Variants in BRD10 observed in about 807,000 individuals in gnomAD.
BRD10 encodes the protein uncharacterized bromodomain-containing protein 10.
the BRD10 span, among the ~76,000 whole-genome samples, chr9:6,003,475 GC>G: frequency 2.0e-5 from 3 of 152,042 alleles, no homozygotes; most frequent in Non-Finnish European, 4.4e-5. Context: ...TCTCACAGTT[GC>G]CTCAAATGGA....
chr9:6,000,433 T>C, the BRD10 span, among the ~76,000 whole-genome samples: 14 of 152,180 alleles, frequency 9.2e-5, no homozygotes, highest in Admixed American at 4.6e-4. Context: ...AGCCTAAAGA[T>C]CATCTGAAAG....
At chr9:5,892,677 C>T in the BRD10 span, 33 of 712,454 alleles carry the variant, frequency 4.6e-5, no homozygotes, top group Non-Finnish European at 6.6e-5. Context: ...CAGTAACATC[C>T]CTGGCAACAA....
chr9:5,997,334 T>A, the BRD10 span, among the ~76,000 whole-genome samples: 1 of 152,340 alleles, frequency 6.6e-6, no homozygotes, highest in Non-Finnish European at 1.5e-5. Context: ...TTTTCTTGCA[T>A]ATTTCTTATG....
chr9:5,887,291 TGGAGA>T, the BRD10 span, among the ~76,000 whole-genome samples: 1 of 152,184 alleles, frequency 6.6e-6, no homozygotes, highest in East Asian at 1.9e-4. Flanking sequence ...TCAAACAAGC[TGGAGA>T]GCATGTTCCC....
the BRD10 span, among the ~76,000 whole-genome samples, chr9:5,916,535 GTATA>G: frequency 1.3e-4 from 17 of 132,750 alleles, no homozygotes; most frequent in African/African-American, 4.9e-4. Context: ...GTATATATAT[GTATA>G]TATAAAACTA....
At chr9:5,919,950 T>C in the BRD10 span, 7 of 1,613,880 alleles carry the variant, frequency 4.3e-6, no homozygotes, top group African/African-American at 9.3e-5. Context: ...AAAGATGTCT[T>C]AGCCAAAAGA....
chr9:5,915,399 T>TG, the BRD10 span, among the ~76,000 whole-genome samples: 2 of 152,246 alleles, frequency 1.3e-5, no homozygotes, highest in Admixed American at 1.3e-4. Context: ...ACAGCAATCC[T>TG]GCAAGGTAAT....
the BRD10 span, among the ~76,000 whole-genome samples, chr9:5,890,585 T>C: frequency 7.2e-5 from 11 of 152,166 alleles, no homozygotes; most frequent in Non-Finnish European, 1.6e-4. Context: ...GTAATTGTGG[T>C]GTCGGACCAT....
chr9:5,978,849 G>A, the BRD10 span, among the ~76,000 whole-genome samples: 1 of 152,174 alleles, frequency 6.6e-6, no homozygotes, highest in Non-Finnish European at 1.5e-5. Context: ...ACCTGATGTT[G>A]TTCATGCAAT....
the BRD10 span, chr9:5,953,931 T>C: frequency 9.1e-6 from 7 of 772,480 alleles, no homozygotes; most frequent in Non-Finnish European, 1.5e-5. Context: ...CTACAGTTTC[T>C]TGGAATTCAG....
At chr9:5,923,239 T>G in the BRD10 span, 1 of 1,613,842 alleles carries the variant, frequency 6.2e-7, no homozygotes, top group Non-Finnish European at 8.5e-7. Context: ...GTAAGTCTTT[T>G]GAAGGCAATT....
the BRD10 span, among the ~76,000 whole-genome samples, chr9:5,976,904 TG>T: frequency 5.3e-5 from 8 of 152,128 alleles, no homozygotes; most frequent in African/African-American, 1.9e-4. Context: ...AGCTAGTGCT[TG>T]GGGAAGAAAA....
chr9:5,906,047 A>G, the BRD10 span, among the ~76,000 whole-genome samples: 1 of 152,148 alleles, frequency 6.6e-6, no homozygotes, highest in Non-Finnish European at 1.5e-5. Flanking sequence ...TATCTGTTAA[A>G]TCAACTAAGA....
chr9:5,998,912 G>A, the BRD10 span, among the ~76,000 whole-genome samples: 2 of 151,836 alleles, frequency 1.3e-5, no homozygotes, highest in Non-Finnish European at 2.9e-5. Context: ...GTAGTCTGTG[G>A]AATACCTTGA....
At chr9:5,937,975 T>C in the BRD10 span, among the ~76,000 whole-genome samples, 1 of 152,210 alleles carries the variant, frequency 6.6e-6, no homozygotes, top group African/African-American at 2.4e-5. Context: ...ATTCTGAACA[T>C]GTCAGTTAAC....
the BRD10 span, among the ~76,000 whole-genome samples, chr9:5,949,510 A>T: frequency 6.6e-6 from 1 of 152,220 alleles, no homozygotes; most frequent in Non-Finnish European, 1.5e-5. Context: ...AGGTATGTTA[A>T]GGATCAGTGA....
chr9:6,007,044 C>T, the BRD10 span: 1 of 779,150 alleles, frequency 1.3e-6, no homozygotes, highest in Non-Finnish European at 2.0e-6. Flanking sequence ...CCGGTCCCCG[C>T]CCAGCGCCGC....
chr9:5,889,775 T>A, the BRD10 span, among the ~76,000 whole-genome samples: 37,918 of 151,742 alleles, frequency 0.25, 4,811 homozygotes, highest in South Asian at 0.32. Context: ...ACAGAGTGAG[T>A]CTCCATCTCA....
At chr9:5,913,977 T>C in the BRD10 span, 1 of 450,516 alleles carries the variant, frequency 2.2e-6, no homozygotes, top group South Asian at 1.6e-5. Flanking sequence ...AGAAGCACTT[T>C]CTGCTATCAA....
Sources: allele counts gnomAD v4.1 joint callset (sites outside exome capture counted in the v4.1 genomes callset), GRCh38; gene constraint gnomAD v4.1.1; transcripts MANE v1.5; gene names NCBI Gene and HGNC (gene_info 2026-07-23, HGNC 2026-07-21).